SRP72: variants seen among roughly 807,000 people sequenced by gnomAD.
The protein encoded by SRP72 is signal recognition particle 72, also known as signal recognition particle subunit SRP72.
SRP72 carries 49 observed loss-of-function variants against 96.3 expected under a neutral mutation model. The observed-to-expected ratio is 0.51, with a 90% confidence interval of 0.40 to 0.65. The LOEUF is 0.65. Among genes scored for constraint, SRP72 ranks in the 30% least tolerant of loss-of-function variants. The probability of loss-of-function intolerance (pLI) is 0.00; values close to 1 mark genes in which losing one functional copy is unlikely to be tolerated. For missense variants in SRP72, 736 were observed against 793.3 expected, an observed-to-expected ratio of 0.93 and a Z score of 0.87; for synonymous variants, 267 against 275.2, an observed-to-expected ratio of 0.97 and a Z score of 0.30.
chr4:56,473,985 G>A (rs1486185123), intron 3 of SRP72, 69 bp from the exon 4 acceptor site: 3 of 1,501,674 alleles, frequency 2.0e-6, no homozygotes, highest in African/African-American at 2.8e-5. Flanking sequence ...TTCCAAAAAA[G>A]GTTTGCATGA....
intron 2 of SRP72, among the ~76,000 whole-genome samples, chr4:56,470,187 ATATATAT>A (rs147012238): frequency 0.031 from 4,726 of 152,276 alleles, 162 homozygotes; most frequent in East Asian, 0.19. Context: ...GTGCAGAACA[ATATATAT>A]TATACTTCCT....
chr4:56,489,272 A>ACCTCT, intron 12 of SRP72, 116 bp from the exon 13 acceptor site: 1 of 466,054 alleles, frequency 2.1e-6, no homozygotes, highest in Non-Finnish European at 3.9e-6. Flanking sequence ...CTTTTATGAT[A>ACCTCT]AATCAGGTAT....
chr4:56,484,734 AGGC>A lies in SRP72; in HGVS notation c.958-1_959del. The A allele has an allele frequency of 3.7e-6, 6 of 1,614,056 alleles. No homozygotes were observed. The highest frequency in any genetic ancestry group is 5.1e-6 in the Non-Finnish European group (6 of 1,180,022). On this transcript the variant is annotated splice_acceptor_variant and coding_sequence_variant, in exon 10 of 19. Coordinates refer to ENST00000642900, the MANE Select transcript of SRP72 (RefSeq NM_006947.4). LOFTEE classifies it high-confidence loss of function. ...TTCTTGTGGGGGTTGGATATCTTCT[AGGC>A]TGAACAATGCCGCAAAATATCTGCC...
Position 56,494,407 on chromosome 4 carries a change from C to CTT in SRP72, c.1641-936_1641-935dup, listed in dbSNP as rs56291298. The stretch of plus-strand genomic sequence containing the variant: ...TCTTTTCACTAGAGCTTTCAGAATG[C>CTT]TTTTTTTTTTTTTTTGAGACGGAGT... On this transcript the variant is annotated intron_variant, in intron 16 of 18. Transcript: ENST00000642900. Among the ~76,000 whole-genome samples the CTT allele has an allele frequency of 6.2e-3, 855 of 138,210 alleles. 14 individuals carry two copies. The highest frequency in any genetic ancestry group is 0.018 in the African/African-American group (669 of 37,292). 90.7% of individuals were successfully genotyped at this position (138,210 alleles called of 152,430 possible). A position where few individuals can be genotyped will look rare whatever the true frequency, so the allele number is the denominator to read the frequency against.
intron 17 of SRP72, among the ~76,000 whole-genome samples, chr4:56,496,999 A>T (rs1721092619): frequency 6.6e-6 from 1 of 152,134 alleles, no homozygotes; most frequent in Non-Finnish European, 1.5e-5. Flanking sequence ...GCCCCCAAAA[A>T]AAAGCATGCT....
rs1406834853 is a variant in SRP72, at chr4:56,502,954, C to CA, written c.*1094dup. 2 of 152,184 alleles carry CA rather than the reference C, an allele frequency of 1.3e-5. No homozygotes were observed. The highest frequency in any genetic ancestry group is 2.9e-5 in the Non-Finnish European group (2 of 68,024). The allele number at this position is 152,184 out of a possible 1,614,324, so 9.4% of individuals were successfully genotyped here. A position where few individuals can be genotyped will look rare whatever the true frequency, so the allele number is the denominator to read the frequency against. On this transcript the variant is annotated 3_prime_UTR_variant, in exon 19 of 19. Coordinates refer to ENST00000642900, the MANE Select transcript of SRP72 (RefSeq NM_006947.4). ...ACTTTCACATTGAACAGCTGTGAGA[C>CA]AGACATATTGAGATGCCTGCCCTTG...
intron 8 of SRP72, among the ~76,000 whole-genome samples, 184 bp downstream of exon 8, chr4:56,478,833 C>G (rs1720353619): frequency 6.6e-6 from 1 of 152,146 alleles, no homozygotes; most frequent in Admixed American, 6.5e-5. Flanking sequence ...GCAAGGTATA[C>G]TCAAGTAATA....
Position 56,467,760 on chromosome 4 carries a change from G to T in SRP72, c.109+16G>T. 1 of 1,466,834 alleles carries T rather than the reference G, an allele frequency of 6.8e-7. No homozygotes were observed. Among genetic ancestry groups the T allele is most frequent in the Non-Finnish European group, 9.0e-7 (1 of 1,105,494 alleles). 90.9% of individuals were successfully genotyped at this position (1,466,834 alleles called of 1,614,324 possible). A position where few individuals can be genotyped will look rare whatever the true frequency, so the allele number is the denominator to read the frequency against. On this transcript the variant is annotated intron_variant, in intron 1 of 18. Transcript: ENST00000642900. ...GTCAATAAGAGTAAGTGTCGGGGTG[G>T]GCACTGGGGCGGGCCCAGGCCGGCT...
At chr4:56,498,349 C>T (rs1172626626) in intron 17 of SRP72, among the ~76,000 whole-genome samples, 1 of 152,156 alleles carries the variant, frequency 6.6e-6, no homozygotes, top group Non-Finnish European at 1.5e-5. Context: ...GAAGCATTCC[C>T]TTTGAAAACC....
In SRP72 at chr4:56,478,448, C is replaced by CTGA; in HGVS notation, c.713_714insGAT (p.Leu238_Gln239insIle). On this transcript the variant is annotated inframe_insertion, in exon 7 of 19. Coordinates refer to ENST00000642900, the MANE Select transcript of SRP72 (RefSeq NM_006947.4). ...TGGTCAGATGGCTTATATTCTGCAGCTTCAGGGTCGAACAGAGGAGGCTTT... is the reference window on the plus strand; with the variant it reads ...TGGTCAGATGGCTTATATTCTGCAGCTGATTCAGGGTCGAACAGAGGAGGCTTT... 4 of 1,613,804 alleles carry CTGA rather than the reference C, an allele frequency of 2.5e-6. No homozygotes were observed. The highest frequency in any genetic ancestry group is 3.4e-6 in the Non-Finnish European group (4 of 1,179,988).
chr4:56,467,862 C>A (rs976253170), intron 1 of SRP72, 118 bp downstream of exon 1: 3 of 1,014,840 alleles, frequency 3.0e-6, no homozygotes, highest in Non-Finnish European at 4.0e-6. Flanking sequence ...CCGAAACCCC[C>A]CCGTCTATTG....
At chr4:56,495,530 C>A in intron 17 of SRP72, 136 bp downstream of exon 17, 1 of 499,956 alleles carries the variant, frequency 2.0e-6, no homozygotes, top group South Asian at 3.4e-5. Context: ...CTATAGCTAA[C>A]ATTTAATTTT....
rs768437750 is a variant in SRP72, at chr4:56,490,591, C to A, written c.1448C>A (p.Thr483Asn). ...AGACAAAATCCAAAAGATATTCACACCCTGGCACAGCTTATTTCTGCTTAC... is the reference window on the plus strand; with the variant it reads ...AGACAAAATCCAAAAGATATTCACAACCTGGCACAGCTTATTTCTGCTTAC... ...LWKQNPKDIH[T>N]LAQLISAYSL... The change falls in exon 15 of 19, where the codon ACC (threonine) becomes AAC (asparagine). Residue 483 changes from threonine to asparagine, a missense_variant. Coordinates refer to ENST00000642900, the MANE Select transcript of SRP72 (RefSeq NM_006947.4). The A allele has an allele frequency of 5.1e-5, 83 of 1,613,780 alleles. No individual in the cohort carries two copies. Among genetic ancestry groups the A allele is most frequent in the Middle Eastern group, 1.6e-4 (1 of 6,080 alleles).
chr4:56,468,167 C>G (rs928636131), intron 1 of SRP72, among the ~76,000 whole-genome samples: 1 of 152,150 alleles, frequency 6.6e-6, no homozygotes, highest in Non-Finnish European at 1.5e-5. Context: ...TCTCTTTGGC[C>G]GCTAAAGGGG....
At chr4:56,482,469 T>C (rs527538625) in intron 8 of SRP72, among the ~76,000 whole-genome samples, 1 of 152,002 alleles carries the variant, frequency 6.6e-6, no homozygotes, top group South Asian at 2.1e-4. Flanking sequence ...AGGTATGTAC[T>C]TGTTTTCAGA....
chr4:56,486,030 G>C (rs1313979431), intron 10 of SRP72, among the ~76,000 whole-genome samples: 1 of 152,132 alleles, frequency 6.6e-6, no homozygotes, highest in Non-Finnish European at 1.5e-5. Flanking sequence ...GCATCCTTGG[G>C]TTTTGGAATC....
rs539665243 is a variant in SRP72, at chr4:56,484,026, A to ATTTTTTTTTTTTTT, written c.958-698_958-685dup. The stretch of plus-strand genomic sequence containing the variant: ...TTTAGTGGGAGACAGAGAAGCAGTA[A>ATTTTTTTTTTTTTT]TTTTTTTTTTTTTTTTTTTTTTTTT... On this transcript the variant is annotated intron_variant, in intron 9 of 18. Transcript: ENST00000642900. Among the ~76,000 whole-genome samples, 21 of 86,616 alleles carry ATTTTTTTTTTTTTT rather than the reference A, an allele frequency of 2.4e-4. 2 individuals carry two copies. The highest frequency in any genetic ancestry group is 5.5e-4 in the African/African-American group (11 of 19,902). 56.8% of individuals were successfully genotyped at this position (86,616 alleles called of 152,430 possible). A position where few individuals can be genotyped will look rare whatever the true frequency, so the allele number is the denominator to read the frequency against.
intron 3 of SRP72, among the ~76,000 whole-genome samples, chr4:56,472,372 G>T: frequency 7.1e-6 from 1 of 141,762 alleles, no homozygotes; most frequent in Non-Finnish European, 1.5e-5. Context: ...TTTTTTAATG[G>T]AGTCTCTCTG....
intron 8 of SRP72, among the ~76,000 whole-genome samples, chr4:56,478,910 ACT>A (rs1720356815): frequency 6.6e-6 from 1 of 152,050 alleles, no homozygotes; most frequent in Non-Finnish European, 1.5e-5. Context: ...TAGTATAGAG[ACT>A]CTCTCTTTGT....
Sources: gnomAD v4.1 joint callset for allele counts (sites outside exome capture counted in the v4.1 genomes callset) on GRCh38, gnomAD v4.1.1 for gene constraint, MANE v1.5 for transcripts, NCBI Gene and HGNC (gene_info 2026-07-23, HGNC 2026-07-21) for gene names.